PDZRN3: variants seen among roughly 807,000 people sequenced by gnomAD.
PDZRN3 encodes E3 ubiquitin-protein ligase PDZRN3.
In PDZRN3, 38 loss-of-function variants were observed where a neutral mutation model predicts 85.7. That is an observed-to-expected ratio of 0.44 (90% CI 0.34 to 0.58). PDZRN3 has a LOEUF of 0.58. PDZRN3 is among the 20% of genes least tolerant of loss of function. PDZRN3 has a pLI of 0.01. For missense variants in PDZRN3, 1,629 were observed against 1,506.4 expected (o/e 1.08, Z -1.35); for synonymous variants, 759 against 638.0 (o/e 1.19, Z -2.86).
chr3:73,544,977 A>G (rs909234035), intron 3 of PDZRN3, among the ~76,000 whole-genome samples: 2 of 152,196 alleles, frequency 1.3e-5, no homozygotes, highest in Non-Finnish European at 2.9e-5. Flanking sequence ...ACATATATAC[A>G]AATAACAGCA....
chr3:73,403,449 A>G (rs772732466), intron 4 of PDZRN3, among the ~76,000 whole-genome samples: 1 of 152,226 alleles, frequency 6.6e-6, no homozygotes, highest in African/African-American at 2.4e-5. Context: ...TCCTTCAATG[A>G]TAAGAGATTG....
chr3:73,604,853 G>A (rs1702571364), intron 2 of PDZRN3, among the ~76,000 whole-genome samples: 1 of 152,164 alleles, frequency 6.6e-6, no homozygotes, highest in African/African-American at 2.4e-5. Flanking sequence ...AAATCAGAGA[G>A]GAAGAAGCAA....
In PDZRN3 at chr3:73,384,402, G is replaced by A; in HGVS notation, c.2164C>T (p.His722Tyr). The part of the protein sequence containing the change: ...KEQYRESWML[H>Y]NSGFRNYNTS... ...TTGTAGTTGCGGAAGCCGCTGTTGT[G>A]CAGCATCCAGGACTCGCGGTACTGC... is the stretch of plus-strand genomic sequence containing the variant. Residue 722 changes from histidine to tyrosine, a missense_variant, in exon 10 of 10, where the codon CAC (histidine) becomes TAC (tyrosine). By Grantham distance (83) the His-to-Tyr change is moderately conservative (BLOSUM62 2). Coordinates refer to ENST00000263666, the MANE Select transcript of PDZRN3 (RefSeq NM_015009.3). The A allele has an allele frequency of 2.5e-6, 4 of 1,609,740 alleles. No homozygotes were observed. Among genetic ancestry groups the A allele is most frequent in the Non-Finnish European group, 3.4e-6 (4 of 1,179,956 alleles).
rs914688271 is a variant in PDZRN3 at position 73,414,433 on chromosome 3, CT to C, written c.919-10039del. Among the ~76,000 whole-genome samples, 10 of 151,910 alleles carry C rather than the reference CT, an allele frequency of 6.6e-5. No homozygotes were observed. The South Asian group carries it at 1.3e-3, about 19-fold the overall frequency. Reference sequence around the variant, plus strand: ...AGAGTGGTTTGGCATCTTTTTTGTTCTTTTTTTTTGTTTTGTTTTCTATCCA... The same window carrying C: ...AGAGTGGTTTGGCATCTTTTTTGTTCTTTTTTTTGTTTTGTTTTCTATCCA... On this transcript the variant is annotated intron_variant, in intron 3 of 9. Coordinates refer to ENST00000263666, the MANE Select transcript of PDZRN3 (RefSeq NM_015009.3).
chr3:73,517,666 A>G (rs778804424), intron 3 of PDZRN3, among the ~76,000 whole-genome samples: 1 of 152,214 alleles, frequency 6.6e-6, no homozygotes, highest in Non-Finnish European at 1.5e-5. Flanking sequence ...AATTGAATCC[A>G]TATCTGTAAT....
intron 3 of PDZRN3, among the ~76,000 whole-genome samples, chr3:73,544,969 A>G (rs1000447082): frequency 6.6e-6 from 1 of 152,210 alleles, no homozygotes; most frequent in Admixed American, 6.5e-5. Context: ...GCATGCACAC[A>G]TATATACAAA....
Position 73,602,396 on chromosome 3 carries a change from T to A in PDZRN3, c.876A>T (p.Ala292=), listed in dbSNP as rs767823461. Reference sequence around the variant, plus strand: ...GAATTTGCAGGCCTCCTTCCTTGGCTGCAGGCCCACTGTCAACTATCTTGG... The same window carrying A: ...GAATTTGCAGGCCTCCTTCCTTGGCAGCAGGCCCACTGTCAACTATCTTGG... ...FVSKIVDSGP[A]AKEGGLQIHD... The change falls in exon 3 of 10, where the codon GCA becomes GCT. Residue 292 remains alanine (A), a synonymous_variant. Coordinates refer to ENST00000263666, the MANE Select transcript of PDZRN3 (RefSeq NM_015009.3). The A allele has an allele frequency of 1.2e-6, 2 of 1,610,320 alleles. No homozygotes were observed. The highest frequency in any genetic ancestry group is 1.7e-6 in the Non-Finnish European group (2 of 1,176,478).
chr3:73,618,736 T>C (rs916019432), intron 1 of PDZRN3, among the ~76,000 whole-genome samples: 5 of 152,236 alleles, frequency 3.3e-5, no homozygotes, highest in African/African-American at 1.2e-4. Context: ...CTCAACAGAA[T>C]TGCCAATTCA....
intron 2 of PDZRN3, among the ~76,000 whole-genome samples, chr3:73,608,084 G>A (rs994107638): frequency 6.6e-6 from 1 of 152,090 alleles, no homozygotes; most frequent in African/African-American, 2.4e-5. Context: ...CTTCTTTCTA[G>A]AGGAGGGTCT....
intron 3 of PDZRN3, among the ~76,000 whole-genome samples, chr3:73,574,175 C>CA (rs1342265911): frequency 4.1e-4 from 62 of 152,272 alleles, no homozygotes; most frequent in Admixed American, 7.2e-4. Context: ...ACTCAGCCTA[C>CA]AAAGGGAAAA....
intron 3 of PDZRN3, among the ~76,000 whole-genome samples, chr3:73,471,783 C>T (rs1048260159): frequency 6.6e-5 from 10 of 152,288 alleles, no homozygotes; most frequent in South Asian, 2.1e-4. Flanking sequence ...TAGCCCCTTC[C>T]GTTTAGAATG....
chr3:73,418,079 CTAAGA>C (rs1341208626), intron 3 of PDZRN3, among the ~76,000 whole-genome samples: 1 of 152,122 alleles, frequency 6.6e-6, no homozygotes, highest in African/African-American at 2.4e-5. Context: ...TAATGACATC[CTAAGA>C]TATTTATCAC....
intron 3 of PDZRN3, among the ~76,000 whole-genome samples, chr3:73,453,233 C>T (rs1468599291): frequency 1.3e-5 from 2 of 151,878 alleles, no homozygotes; most frequent in Non-Finnish European, 1.5e-5. Context: ...TGGTGAAACC[C>T]TGTCTCTACT....
At chr3:73,615,511 C>T (rs1268571064) in intron 1 of PDZRN3, among the ~76,000 whole-genome samples, 2 of 152,090 alleles carry the variant, frequency 1.3e-5, no homozygotes, top group African/African-American at 2.4e-5. Flanking sequence ...CAGGTGGGGC[C>T]TTTGGGACGT....
At chr3:73,493,373 C>G (rs1322613828) in intron 3 of PDZRN3, among the ~76,000 whole-genome samples, 1 of 152,154 alleles carries the variant, frequency 6.6e-6, no homozygotes, top group African/African-American at 2.4e-5. Flanking sequence ...CATGACCTCA[C>G]GTACATGGAG....
rs946556851 is a variant in PDZRN3, at chr3:73,544,166, T to C, written c.918+58188A>G. On this transcript the variant is annotated intron_variant, in intron 3 of 9. Coordinates refer to ENST00000263666, the MANE Select transcript of PDZRN3 (RefSeq NM_015009.3). ...AGGCAGAGCTTGCAGTGAGCCAAGA[T>C]TGCACCACTGCACTCCAGCCTAGGC... Among the ~76,000 whole-genome samples, 6 of 152,198 alleles carry C rather than the reference T, an allele frequency of 3.9e-5. No homozygotes were observed. The East Asian group carries it at 9.6e-4, about 24-fold the overall frequency.
chr3:73,458,793 C>T lies in PDZRN3; in HGVS notation c.919-54398G>A, dbSNP rs571694920. ...GATCACGAGGTCAGGAATTCGAGAC[C>T]AGCATGGCCAATATGGTGAAACCCC... On this transcript the variant is annotated intron_variant, in intron 3 of 9. Transcript: ENST00000263666. Among the ~76,000 whole-genome samples the T allele has an allele frequency of 3.2e-3, 484 of 151,654 alleles. 1 individual carries two copies. The highest frequency in any genetic ancestry group is 5.5e-3 in the Non-Finnish European group (376 of 67,936).
chr3:73,503,671 T>C (rs1038842297), intron 3 of PDZRN3, among the ~76,000 whole-genome samples: 1 of 152,172 alleles, frequency 6.6e-6, no homozygotes. Context: ...TACAAGTACG[T>C]TTCCAAAAAT....
chr3:73,537,869 G>A (rs1006617425), intron 3 of PDZRN3, among the ~76,000 whole-genome samples: 5 of 150,408 alleles, frequency 3.3e-5, no homozygotes, highest in Admixed American at 6.7e-5. Flanking sequence ...CAAATGATCC[G>A]CCCGCCTCGG....
Sources: gnomAD v4.1 joint callset for allele counts (sites outside exome capture counted in the v4.1 genomes callset) on GRCh38, gnomAD v4.1.1 for gene constraint, MANE v1.5 for transcripts, NCBI Gene and HGNC (gene_info 2026-07-23, HGNC 2026-07-21) for gene names.